Variants in PRR16 observed in about 807,000 individuals in gnomAD.
PRR16 encodes protein Largen.
PRR16 carries 6 observed loss-of-function variants against 18.2 expected under a neutral mutation model. The ratio of observed to expected loss-of-function variants is 0.33; its 90% CI spans 0.18 to 0.65. The LOEUF is 0.65. Ranked by LOEUF, PRR16 falls within the 30% of genes least tolerant of loss-of-function variation. The pLI is 0.74. For synonymous variants in PRR16, 151 were observed against 147.8 expected, an observed-to-expected ratio of 1.02 and a Z score of -0.16; for missense variants, 412 against 376.6, an observed-to-expected ratio of 1.09 and a Z score of -0.78.
At chr5:120,775,205 A>T in the PRR16 span, among the ~76,000 whole-genome samples, 1 of 152,196 alleles carries the variant, frequency 6.6e-6, no homozygotes, top group Admixed American at 6.5e-5. Context: ...TTGATATATT[A>T]CATATTATTT....
At chr5:120,721,113 C>T in the PRR16 span, among the ~76,000 whole-genome samples, 2 of 151,940 alleles carry the variant, frequency 1.3e-5, no homozygotes, top group Non-Finnish European at 2.9e-5. Context: ...AATAGTTGTT[C>T]AATAAAATGT....
intron 1 of PRR16, among the ~76,000 whole-genome samples, chr5:120,485,773 A>G (rs1282841679): frequency 6.6e-6 from 1 of 152,138 alleles, no homozygotes; most frequent in East Asian, 1.9e-4. Flanking sequence ...AACATTAGAT[A>G]TATCTCCCAG....
chr5:120,710,284 T>C, the PRR16 span, among the ~76,000 whole-genome samples: 1,624 of 152,262 alleles, frequency 0.011, 27 homozygotes, highest in African/African-American at 0.037. Flanking sequence ...GGCTGGTGCA[T>C]AGTACATACA....
chr5:120,695,671 C>A, the PRR16 span, among the ~76,000 whole-genome samples: 1 of 152,158 alleles, frequency 6.6e-6, no homozygotes, highest in Non-Finnish European at 1.5e-5. Flanking sequence ...ATTCTTACGT[C>A]TGGTCTTGGC....
chr5:120,481,154 A>AT (rs55765526), intron 1 of PRR16: 11,080 of 978,014 alleles, frequency 0.011, 210 homozygotes, highest in African/African-American at 0.091. Flanking sequence ...ATCTTATTTT[A>AT]TTTTTTTTTT....
intron 1 of PRR16, among the ~76,000 whole-genome samples, chr5:120,632,282 C>G (rs921240620): frequency 8.5e-5 from 13 of 152,054 alleles, no homozygotes; most frequent in Admixed American, 1.3e-4. Flanking sequence ...TGAGAAAGAA[C>G]CAGAAAAATA....
intron 1 of PRR16, among the ~76,000 whole-genome samples, chr5:120,479,342 T>A (rs1452992971): frequency 6.6e-6 from 1 of 152,152 alleles, no homozygotes; most frequent in Non-Finnish European, 1.5e-5. Context: ...AAGACCATGC[T>A]ATGTTGCAAA....
intron 1 of PRR16, among the ~76,000 whole-genome samples, chr5:120,500,583 A>C (rs978266614): frequency 6.6e-6 from 1 of 152,234 alleles, no homozygotes; most frequent in African/African-American, 2.4e-5. Flanking sequence ...TAAAATGTTA[A>C]ATTTTATGTC....
In PRR16 at chr5:120,536,632, T is replaced by C. The variant is rs75548215; in HGVS notation, c.159+71987T>C. 4.6e-5 allele frequency among the ~76,000 whole-genome samples: 7 copies of C among 152,264 alleles called. No homozygotes were observed. The South Asian group carries it at 8.3e-4, about 18-fold the overall frequency. On this transcript the variant is annotated intron_variant, in intron 1 of 1. Coordinates refer to ENST00000407149, the MANE Select transcript of PRR16 (RefSeq NM_001300783.2). Reference sequence around the variant, plus strand: ...TTGTTATGTGGAAAAAGGTGTGATATATGTTTACATTTTAGTACATCTACC... The same window carrying C: ...TTGTTATGTGGAAAAAGGTGTGATACATGTTTACATTTTAGTACATCTACC...
the PRR16 span, among the ~76,000 whole-genome samples, chr5:120,695,411 C>T: frequency 6.6e-6 from 1 of 152,252 alleles, no homozygotes. Flanking sequence ...TTCAATCTCT[C>T]TCATTTTTTT....
intron 1 of PRR16, among the ~76,000 whole-genome samples, chr5:120,576,080 A>C (rs1753067348): frequency 6.6e-6 from 1 of 152,220 alleles, no homozygotes; most frequent in Non-Finnish European, 1.5e-5. Flanking sequence ...AACTATAAGC[A>C]TAAAGGACAT....
chr5:120,758,990 T>TC, the PRR16 span, among the ~76,000 whole-genome samples: 1 of 148,360 alleles, frequency 6.7e-6, no homozygotes, highest in East Asian at 2.0e-4. Flanking sequence ...TTTTTTTTTT[T>TC]TTTGAGACGG....
At chr5:120,467,268 C>T (rs945988693) in intron 1 of PRR16, among the ~76,000 whole-genome samples, 10 of 152,134 alleles carry the variant, frequency 6.6e-5, no homozygotes, top group Non-Finnish European at 1.0e-4. Context: ...CCTTTATTGG[C>T]AATGCTATGC....
chr5:120,491,102 G>A (rs1418578822), intron 1 of PRR16, among the ~76,000 whole-genome samples: 1 of 152,184 alleles, frequency 6.6e-6, no homozygotes, highest in East Asian at 1.9e-4. Flanking sequence ...CGGGGTCAGG[G>A]ACGCACTTGA....
chr5:120,637,983 GA>G (rs1755297245), intron 1 of PRR16, among the ~76,000 whole-genome samples: 2 of 152,104 alleles, frequency 1.3e-5, no homozygotes, highest in Non-Finnish European at 2.9e-5. Context: ...TCAGACTTCA[GA>G]TTTTTTCAGA....
chr5:120,631,413 G>A (rs1755050259), intron 1 of PRR16, among the ~76,000 whole-genome samples: 1 of 152,048 alleles, frequency 6.6e-6, no homozygotes, highest in South Asian at 2.1e-4. Flanking sequence ...CTTGCTTTCT[G>A]GACAGGAGGC....
the PRR16 span, among the ~76,000 whole-genome samples, chr5:120,749,988 G>A: frequency 2.0e-5 from 3 of 152,066 alleles, no homozygotes; most frequent in Non-Finnish European, 2.9e-5. Context: ...GTATAATGAA[G>A]ATTAGAATAT....
chr5:120,663,994 T>G (rs1756267975), intron 1 of PRR16, among the ~76,000 whole-genome samples: 2 of 152,140 alleles, frequency 1.3e-5, no homozygotes. Context: ...AAACAGTTAA[T>G]GTGTAAAAAA....
the PRR16 span, among the ~76,000 whole-genome samples, chr5:120,785,572 G>GTTTTTTTT: frequency 2.0e-3 from 245 of 119,840 alleles, 2 homozygotes; most frequent in African/African-American, 4.3e-3. Flanking sequence ...TTTTGTTGTT[G>GTTTTTTTT]TTGTTTTTTT....
Sources: allele counts gnomAD v4.1 joint callset (sites outside exome capture counted in the v4.1 genomes callset), GRCh38; gene constraint gnomAD v4.1.1; transcripts MANE v1.5; gene names NCBI Gene and HGNC (gene_info 2026-07-23, HGNC 2026-07-21).